Variants in RAVER1 observed in about 807,000 individuals in gnomAD.
RAVER1 encodes the protein ribonucleoprotein PTB-binding 1.
In RAVER1, 36 loss-of-function variants were observed where a neutral mutation model predicts 68.4. The ratio of observed to expected loss-of-function variants is 0.53; its 90% confidence interval spans 0.40 to 0.70. The LOEUF is 0.70. Among genes scored for constraint, RAVER1 ranks in the 30% least tolerant of loss-of-function variants. The pLI is 0.00. For synonymous variants in RAVER1, 469 were observed against 472.7 expected (o/e 0.99, Z 0.10); for missense variants, 933 against 1,019.8 (o/e 0.91, Z 1.16).
chr19:10,321,546 C>A lies in RAVER1; in HGVS notation c.1246G>T (p.Gly416Trp). 7.3e-7 allele frequency: 1 copy of A among 1,361,310 alleles called. No individual in the cohort carries two copies. The highest frequency in any genetic ancestry group is 2.3e-5 in the South Asian group (1 of 44,392). 84.3% of individuals were successfully genotyped at this position (1,361,310 alleles called of 1,614,324 possible). A position where few individuals can be genotyped will look rare whatever the true frequency, so the allele number is the denominator to read the frequency against. Reference protein sequence around the residue: ...PGAQPANPLLGELPAGGGLPP... With the variant: ...PGAQPANPLLWELPAGGGLPP... ...TCTGCGTTACCTGCAGGCAGCTCCC[C>A]GAGGAGGGGGTTGGCTGGCTGGGCC... The change falls in exon 7 of 13, where the codon GGG becomes TGG. Residue 416 changes from glycine to tryptophan, a missense_variant. By Grantham distance (184) the Gly-to-Trp change is radical (BLOSUM62 -2). Coordinates refer to ENST00000617231, the MANE Select transcript of RAVER1 (RefSeq NM_133452.3).
At position 10,316,278 on chromosome 19, in the gene RAVER1, G is replaced by A. The variant is rs2040386960; in HGVS notation, c.*1176C>T. 7.8e-7 allele frequency: 1 copy of A among 1,275,040 alleles called. No homozygotes were observed. Among genetic ancestry groups the A allele is most frequent in the African/African-American group, 1.6e-5 (1 of 63,398 alleles). The allele number at this position is 1,275,040 out of a possible 1,614,324, so 79.0% of individuals were successfully genotyped here. A position where few individuals can be genotyped will look rare whatever the true frequency, so the allele number is the denominator to read the frequency against. ...GGTCCGTGTGGGGAGACTGGGGTGG[G>A]GTCGGGGGAATAGTCCCCTTGGAGT... On this transcript the variant is annotated 3_prime_UTR_variant, in exon 13 of 13. Transcript: ENST00000617231.
intron 7 of RAVER1, 121 bp downstream of exon 7, chr19:10,321,410 G>C (rs2040437096): frequency 1.1e-6 from 1 of 898,790 alleles, no homozygotes; most frequent in African/African-American, 1.7e-5. Flanking sequence ...CTGAGTGGAG[G>C]GCACCCAACT....
rs757531473 is a variant in RAVER1 at position 10,321,571 on chromosome 19, C to A, written c.1221G>T (p.Gly407=). The A allele has an allele frequency of 2.2e-6, 3 of 1,378,792 alleles. No individual in the cohort carries two copies. Among genetic ancestry groups the A allele is most frequent in the Admixed American group, 6.0e-5 (2 of 33,136 alleles). The allele number at this position is 1,378,792 out of a possible 1,614,324, so 85.4% of individuals were successfully genotyped here. The part of the protein sequence containing the change: ...GDSPLGALQP[G]AQPANPLLGE... ...CGAGGAGGGGGTTGGCTGGCTGGGC[C>A]CCAGGCTGGAGGGCGCCCAGGGGTG... Residue 407 remains glycine (G), a synonymous_variant, in exon 7 of 13, where the codon GGG becomes GGT. Transcript: ENST00000617231.
chr19:10,330,441 GC>G lies in RAVER1; in HGVS notation c.286+18del. ...GGATGGTCACTCCCTGCCCTGGCCC[GC>G]CCCATGGCCCCACAAACCTGTCCCT... On this transcript the variant is annotated intron_variant, in intron 2 of 12. Coordinates refer to ENST00000617231, the MANE Select transcript of RAVER1 (RefSeq NM_133452.3). The G allele has an allele frequency of 7.5e-7, 1 of 1,338,712 alleles. No individual in the cohort carries two copies. Among genetic ancestry groups the G allele is most frequent in the Non-Finnish European group, 1.1e-6 (1 of 947,818 alleles). The allele number at this position is 1,338,712 out of a possible 1,614,324, so 82.9% of individuals were successfully genotyped here. A position where few individuals can be genotyped will look rare whatever the true frequency, so the allele number is the denominator to read the frequency against.
At chr19:10,321,759 G>C in intron 6 of RAVER1, 141 bp from the exon 7 acceptor site, 1 of 517,686 alleles carries the variant, frequency 1.9e-6, no homozygotes, top group Non-Finnish European at 3.1e-6. Context: ...GTTCCCCAGT[G>C]CCCGCCACAC....
At chr19:10,319,741 C>T (rs938937860) in intron 9 of RAVER1, among the ~76,000 whole-genome samples, 2 of 150,764 alleles carry the variant, frequency 1.3e-5, no homozygotes, top group Admixed American at 1.3e-4. Context: ...TCTACCACAC[C>T]TGGCTAATTT....
At chr19:10,331,383 A>AC (rs2040516140) in intron 1 of RAVER1, among the ~76,000 whole-genome samples, 1 of 58,208 alleles carries the variant, frequency 1.7e-5, no homozygotes, top group African/African-American at 7.4e-5. Context: ...AAAAAAAAAA[A>AC]TAACAACAAC....
rs1243940553 is a variant in RAVER1, at chr19:10,333,129, C to CA, written c.219+159dup. On this transcript the variant is annotated intron_variant, in intron 1 of 12. Transcript: ENST00000617231. This position sits in a 1 kb window ranked among gnomAD's most constrained non-coding sequence, Gnocchi z 4.2. ...GTTTCCCCTTTCATCATCGCCCCCCCACGTCCCGCTCTTGGTCTCTCCCGA... is the reference window on the plus strand; with the variant it reads ...GTTTCCCCTTTCATCATCGCCCCCCCAACGTCCCGCTCTTGGTCTCTCCCGA... 1.1e-3 allele frequency among the ~76,000 whole-genome samples: 161 copies of CA among 152,332 alleles called. 1 individual carries two copies. Among genetic ancestry groups the CA allele is most frequent in the African/African-American group, 3.7e-3 (153 of 41,580 alleles).
rs760694281 is a variant in RAVER1, at chr19:10,318,215, G to T, written c.1989+14C>A. The T allele has an allele frequency of 1.3e-6, 2 of 1,596,306 alleles. No individual in the cohort carries two copies. Among genetic ancestry groups the T allele is most frequent in the South Asian group, 2.3e-5 (2 of 88,678 alleles). Reference sequence around the variant, plus strand: ...GTCCCAGGGGGCCTGTGCTTGGCCAGAGAGGTTCCTCACCTTACTGAGGTG... The same window carrying T: ...GTCCCAGGGGGCCTGTGCTTGGCCATAGAGGTTCCTCACCTTACTGAGGTG... On this transcript the variant is annotated intron_variant, in intron 11 of 12. Transcript: ENST00000617231.
At chr19:10,326,980 G>T (rs757038868) in intron 3 of RAVER1, among the ~76,000 whole-genome samples, 10 of 151,866 alleles carry the variant, frequency 6.6e-5, no homozygotes, top group Non-Finnish European at 1.3e-4. Flanking sequence ...ATGTTGGCCA[G>T]GCTGGTCTTG....
chr19:10,325,881 A>T (rs56003768), intron 3 of RAVER1, among the ~76,000 whole-genome samples: 4,461 of 152,218 alleles, frequency 0.029, 89 homozygotes, highest in East Asian at 0.049. Context: ...AAGCACTGCC[A>T]GCCCCATTTT....
intron 1 of RAVER1, among the ~76,000 whole-genome samples, chr19:10,331,392 A>AAAAAAAAAAAAAAAAAAAAG: frequency 1.4e-5 from 1 of 72,564 alleles, no homozygotes; most frequent in Non-Finnish European, 2.8e-5. Context: ...AATAACAACA[A>AAAAAAAAAAAAAAAAAAAAG]CAAAAAAAAA....
chr19:10,319,090 A>C, intron 10 of RAVER1, 76 bp downstream of exon 10: 10 of 1,353,004 alleles, frequency 7.4e-6, no homozygotes, highest in Non-Finnish European at 1.0e-5. Context: ...CTGCTGTTCC[A>C]GGCTACTAAG....
chr19:10,319,300 G>T, intron 9 of RAVER1, 60 bp from the exon 10 acceptor site: 1 of 1,525,014 alleles, frequency 6.6e-7, no homozygotes, highest in South Asian at 1.1e-5. Flanking sequence ...ACCCCTGGCT[G>T]AACTCCATGG....
At chr19:10,320,612 T>A (rs1255541370) in intron 9 of RAVER1, 43 bp downstream of exon 9, 4 of 1,494,618 alleles carry the variant, frequency 2.7e-6, no homozygotes, top group Non-Finnish European at 3.6e-6. Context: ...GTTTGGAGAA[T>A]GATTTGGCCT....
rs886090509 is a variant in RAVER1 at position 10,325,588 on chromosome 19, C to T, written c.757-2022G>A. On this transcript the variant is annotated intron_variant, in intron 3 of 12. Transcript: ENST00000617231. ...AACTCCTGACCTCAAGTGATCTGCC[C>T]GCCGCAGCCTCCCAAAGTGCTGGGA... Among the ~76,000 whole-genome samples, 5 of 151,994 alleles carry T rather than the reference C, an allele frequency of 3.3e-5. No individual in the cohort carries two copies. The South Asian group carries it at 6.2e-4, about 19-fold the overall frequency.
At position 10,323,205 on chromosome 19, in the gene RAVER1, A is replaced by G. The variant is rs745543356; in HGVS notation, c.1018T>C (p.Ser340Pro). 7 of 1,612,568 alleles carry G rather than the reference A, an allele frequency of 4.3e-6. No homozygotes were observed. Among genetic ancestry groups the G allele is most frequent in the Non-Finnish European group, 5.9e-6 (7 of 1,179,104 alleles). Residue 340 changes from serine (S) to proline (P), a missense_variant, in exon 5 of 13, where the codon TCC (serine) becomes CCC (proline). This residue lies in a region of RAVER1 where 699 missense variants were observed against 731.1 expected (regional missense o/e 0.96). Coordinates refer to ENST00000617231, the MANE Select transcript of RAVER1 (RefSeq NM_133452.3). The surrounding 1 kb of genome is among the most constrained non-coding windows in gnomAD (Gnocchi z 6.2). Reference protein sequence around the residue: ...ILQLLNNLGPSASLQLLLNPL... With the variant: ...ILQLLNNLGPPASLQLLLNPL... The stretch of plus-strand genomic sequence containing the variant: ...TTGAGCAGCAGCTGGAGGGACGCGG[A>G]TGGGCCCAGGTTGTTGAGCAGCTGC...
At position 10,328,032 on chromosome 19, in the gene RAVER1, C is replaced by T. The variant is rs1040892683; in HGVS notation, c.756+610G>A. Among the ~76,000 whole-genome samples the T allele has an allele frequency of 2.0e-5, 3 of 152,102 alleles. No individual in the cohort carries two copies. The highest frequency in any genetic ancestry group is 1.9e-4 in the East Asian group (1 of 5,186). ...AGAGAGCCAGTGACTGGCCCGAGCT[C>T]GAGGGCGGGGCTGGGATCTGGCAAA... On this transcript the variant is annotated intron_variant, in intron 3 of 12. Transcript: ENST00000617231. This position sits in a 1 kb window ranked among gnomAD's most constrained non-coding sequence, Gnocchi z 4.4.
In RAVER1 at chr19:10,321,080, T is replaced by C; in HGVS notation, c.1441A>G (p.Lys481Glu). Reference sequence around the variant, plus strand: ...GGCGTCGGCAGAGGCCCACTGTCTTTCTGGAGGCCTCTGAGGCCAGAGCCT... The same window carrying C: ...GGCGTCGGCAGAGGCCCACTGTCTTCCTGGAGGCCTCTGAGGCCAGAGCCT... ...LRGSGLRGLQ[K>E]DSGPLPTPPG... The change falls in exon 8 of 13, where the codon AAA (lysine) becomes GAA (glutamate). Residue 481 changes from lysine to glutamate, a missense_variant. By Grantham distance (56) the Lys-to-Glu change is moderately conservative. Transcript: ENST00000617231. 1 of 1,350,746 alleles carries C rather than the reference T, an allele frequency of 7.4e-7. No individual in the cohort carries two copies. Among genetic ancestry groups the C allele is most frequent in the Non-Finnish European group, 9.5e-7 (1 of 1,053,048 alleles). 83.7% of individuals were successfully genotyped at this position (1,350,746 alleles called of 1,614,324 possible). A position where few individuals can be genotyped will look rare whatever the true frequency, so the allele number is the denominator to read the frequency against.
Sources: allele counts gnomAD v4.1 joint callset (sites outside exome capture counted in the v4.1 genomes callset), GRCh38; gene constraint gnomAD v4.1.1; regional missense constraint gnomAD v4.1.1; non-coding constraint Gnocchi (gnomAD v3.1); transcripts MANE v1.5; gene names NCBI Gene and HGNC (gene_info 2026-07-23, HGNC 2026-07-21).